NXPH2: variants seen among roughly 807,000 people sequenced by gnomAD.
The protein encoded by NXPH2 is neurexophilin 2.
In NXPH2, 5 loss-of-function variants were observed where a neutral mutation model predicts 19.8. The ratio of observed to expected loss-of-function variants is 0.25; its 90% CI spans 0.13 to 0.53. NXPH2 has a LOEUF of 0.53. Ranked by LOEUF, NXPH2 falls within the 20% of genes least tolerant of loss-of-function variation. The pLI, the probability that NXPH2 is intolerant of heterozygous loss-of-function variation, is 0.96. For synonymous variants in NXPH2, 154 were observed against 127.4 expected, an observed-to-expected ratio of 1.21 and a Z score of -1.41; for missense variants, 289 against 322.8, an observed-to-expected ratio of 0.90 and a Z score of 0.80.
At chr2:138,685,765 C>A (rs1449516029) in intron 1 of NXPH2, among the ~76,000 whole-genome samples, 1 of 152,152 alleles carries the variant, frequency 6.6e-6, no homozygotes, top group Admixed American at 6.5e-5. Flanking sequence ...AAGCTGGGGA[C>A]AATCTATATA....
chr2:138,720,130 T>TA lies in NXPH2; in HGVS notation c.52-48466dup, dbSNP rs557957661. Among the ~76,000 whole-genome samples the TA allele has an allele frequency of 2.6e-3, 365 of 139,410 alleles. 1 individual carries two copies. Among genetic ancestry groups the TA allele is most frequent in the Admixed American group, 3.6e-3 (50 of 13,936 alleles). The allele number at this position is 139,410 out of a possible 152,430, so 91.5% of individuals were successfully genotyped here. A position where few individuals can be genotyped will look rare whatever the true frequency, so the allele number is the denominator to read the frequency against. On this transcript the variant is annotated intron_variant, in intron 1 of 1. Transcript: ENST00000272641. ...TAGATGAAACATGCAGTTTTAAGGT[T>TA]AAAAAAAAAAAAACTTGAAAAAAAA...
chr2:138,730,527 A>G (rs1260944706), intron 1 of NXPH2, among the ~76,000 whole-genome samples: 1 of 152,122 alleles, frequency 6.6e-6, no homozygotes, highest in East Asian at 1.9e-4. Context: ...TGAGGCCCTG[A>G]GCTGCTTGAT....
At chr2:138,728,498 A>G (rs1681393068) in intron 1 of NXPH2, among the ~76,000 whole-genome samples, 2 of 152,336 alleles carry the variant, frequency 1.3e-5, no homozygotes, top group Middle Eastern at 3.4e-3. Context: ...ATGACATTTA[A>G]ATGATTTGGC....
chr2:138,713,985 A>T (rs1681151766), intron 1 of NXPH2, among the ~76,000 whole-genome samples: 1 of 151,976 alleles, frequency 6.6e-6, no homozygotes, highest in Non-Finnish European at 1.5e-5. Context: ...AAAAAAAAAA[A>T]ATTTCACTAC....
rs1226089456 is a variant in NXPH2 at position 138,671,521 on chromosome 2, G to A, written c.196C>T (p.Pro66Ser). 1.9e-6 allele frequency: 3 copies of A among 1,614,004 alleles called. No individual in the cohort carries two copies. The highest frequency in any genetic ancestry group is 3.3e-5 in the Admixed American group (2 of 60,022). The change falls in exon 2 of 2, where the codon CCC (proline) becomes TCC (serine). Residue 66 changes from proline (P) to serine (S), a missense_variant. Coordinates refer to ENST00000272641, the MANE Select transcript of NXPH2 (RefSeq NM_007226.3). ...LRLFVKQSPV[P>S]KPGPMAYADS... ...GCGTACGCCATGGGGCCGGGCTTGG[G>A]CACCGGAGACTGTTTAACAAACAGG... is the stretch of plus-strand genomic sequence containing the variant.
intron 1 of NXPH2, among the ~76,000 whole-genome samples, chr2:138,709,269 A>G (rs1681061545): frequency 6.6e-6 from 1 of 152,082 alleles, no homozygotes; most frequent in African/African-American, 2.4e-5. Context: ...CTCCCATCCT[A>G]AATCCTACAG....
intron 1 of NXPH2, among the ~76,000 whole-genome samples, chr2:138,679,846 C>T (rs953125428): frequency 1.3e-5 from 2 of 152,128 alleles, no homozygotes; most frequent in Non-Finnish European, 2.9e-5. Flanking sequence ...AAGTTTATTG[C>T]TTCACTGATT....
In NXPH2 at chr2:138,774,373, A is replaced by G. The variant is rs114765747; in HGVS notation, c.51+5818T>C. On this transcript the variant is annotated intron_variant, in intron 1 of 1. Coordinates refer to ENST00000272641, the MANE Select transcript of NXPH2 (RefSeq NM_007226.3). ...GCACAGATCTAGTAATCCATCTTGT[A>G]GTGTTTTAAATCTACTTCTAAGTAT... Among the ~76,000 whole-genome samples, 1,148 of 152,318 alleles carry G rather than the reference A, an allele frequency of 7.5e-3. 12 individuals are homozygous for G. Among genetic ancestry groups the G allele is most frequent in the African/African-American group, 0.025 (1,049 of 41,566 alleles).
chr2:138,721,740 G>A (rs1163645941), intron 1 of NXPH2, among the ~76,000 whole-genome samples: 40 of 152,262 alleles, frequency 2.6e-4, no homozygotes, highest in Admixed American at 2.1e-3. Context: ...GCTCAGCCTC[G>A]CTTTCTTACC....
At chr2:138,736,370 G>C (rs1681538253) in intron 1 of NXPH2, among the ~76,000 whole-genome samples, 1 of 152,188 alleles carries the variant, frequency 6.6e-6, no homozygotes, top group African/African-American at 2.4e-5. Context: ...GGCACTTGTA[G>C]GTTCAACACT....
intron 1 of NXPH2, among the ~76,000 whole-genome samples, chr2:138,749,298 A>G (rs1681790701): frequency 6.6e-6 from 1 of 152,166 alleles, no homozygotes; most frequent in Non-Finnish European, 1.5e-5. Context: ...CTCTAGCCAT[A>G]TGGAACTTTG....
At chr2:138,777,151 A>G (rs911063971) in intron 1 of NXPH2, among the ~76,000 whole-genome samples, 1 of 152,106 alleles carries the variant, frequency 6.6e-6, no homozygotes, top group African/African-American at 2.4e-5. Flanking sequence ...GTTACAAATC[A>G]TCATGCAAAT....
At chr2:138,711,820 A>C (rs1681109876) in intron 1 of NXPH2, among the ~76,000 whole-genome samples, 1 of 152,118 alleles carries the variant, frequency 6.6e-6, no homozygotes, top group Non-Finnish European at 1.5e-5. Flanking sequence ...TTCTTTGCTT[A>C]ATGAACTTCT....
intron 1 of NXPH2, among the ~76,000 whole-genome samples, chr2:138,761,499 G>C (rs891852092): frequency 6.6e-6 from 1 of 152,304 alleles, no homozygotes; most frequent in South Asian, 2.1e-4. Flanking sequence ...TAATGCATCT[G>C]CTGTGCCTCC....
intron 1 of NXPH2, among the ~76,000 whole-genome samples, chr2:138,771,782 T>C (rs183201061): frequency 5.3e-5 from 8 of 152,312 alleles, no homozygotes; most frequent in Admixed American, 3.3e-4. Flanking sequence ...CTCTGACATC[T>C]GTCAGTCACT....
intron 1 of NXPH2, among the ~76,000 whole-genome samples, chr2:138,702,112 CCTTT>C (rs775804552): frequency 6.6e-5 from 10 of 151,914 alleles, no homozygotes; most frequent in Non-Finnish European, 1.3e-4. Flanking sequence ...TTTTCTTCTT[CCTTT>C]CTCTTTCCTT....
chr2:138,692,304 A>T (rs1487084273), intron 1 of NXPH2, among the ~76,000 whole-genome samples: 2 of 152,200 alleles, frequency 1.3e-5, no homozygotes, highest in East Asian at 3.8e-4. Flanking sequence ...ATTCCACAAG[A>T]TATGAAGGTC....
intron 1 of NXPH2, among the ~76,000 whole-genome samples, chr2:138,713,597 CTGTG>C (rs113220668): frequency 1.3e-3 from 191 of 149,624 alleles, no homozygotes; most frequent in South Asian, 2.1e-3. Context: ...AGAAAACGTT[CTGTG>C]TGTGTGTGTG....
At chr2:138,756,195 G>A (rs1180990845) in intron 1 of NXPH2, among the ~76,000 whole-genome samples, 1 of 151,866 alleles carries the variant, frequency 6.6e-6, no homozygotes, top group Non-Finnish European at 1.5e-5. Flanking sequence ...GAACACCATT[G>A]ATTTTGTTTT....
Sources: gnomAD v4.1 joint callset for allele counts (sites outside exome capture counted in the v4.1 genomes callset) on GRCh38, gnomAD v4.1.1 for gene constraint, MANE v1.5 for transcripts, NCBI Gene and HGNC (gene_info 2026-07-23, HGNC 2026-07-21) for gene names.